ASCC3: variants seen among roughly 807,000 people sequenced by gnomAD.
ASCC3 encodes the protein activating signal cointegrator 1 complex subunit 3, also known as ASC-1 complex subunit P200.
A neutral mutation model predicts 256.3 loss-of-function variants in ASCC3; 158 were observed. That is an observed-to-expected ratio of 0.62 (90% confidence interval 0.54 to 0.70). The LOEUF is 0.70. Among genes scored for constraint, ASCC3 ranks in the 30% least tolerant of loss-of-function variants. The pLI is 0.00. For synonymous variants in ASCC3, 948 were observed against 883.4 expected (o/e 1.07, Z -1.30); for missense variants, 2,259 against 2,626.0 (o/e 0.86, Z 3.05).
At chr6:100,818,108 T>C (rs1770842420) in intron 4 of ASCC3, among the ~76,000 whole-genome samples, 1 of 152,196 alleles carries the variant, frequency 6.6e-6, no homozygotes, top group Non-Finnish European at 1.5e-5. Context: ...GAAAACCAAC[T>C]GATAGACTAC....
At chr6:100,694,855 A>G (rs1056487988) in intron 13 of ASCC3, among the ~76,000 whole-genome samples, 3 of 152,176 alleles carry the variant, frequency 2.0e-5, no homozygotes, top group Admixed American at 6.6e-5. Context: ...GAGTTAGAAA[A>G]TCATCAAAAG....
intron 34 of ASCC3, among the ~76,000 whole-genome samples, chr6:100,591,524 T>C (rs1020507614): frequency 6.6e-6 from 1 of 152,076 alleles, no homozygotes; most frequent in African/African-American, 2.4e-5. Flanking sequence ...TCAGGACTAA[T>C]ACATAGCTGA....
At chr6:100,525,417 A>G (rs184130200) in intron 37 of ASCC3, among the ~76,000 whole-genome samples, 2 of 152,106 alleles carry the variant, frequency 1.3e-5, no homozygotes, top group Admixed American at 1.3e-4. Context: ...CAAAAACAGG[A>G]AAGTTTGAGA....
chr6:100,673,435 T>G (rs1227655768), intron 14 of ASCC3, among the ~76,000 whole-genome samples: 1 of 152,094 alleles, frequency 6.6e-6, no homozygotes, highest in Non-Finnish European at 1.5e-5. Context: ...ATTAACATAT[T>G]TTTGTCAAAA....
intron 24 of ASCC3, among the ~76,000 whole-genome samples, chr6:100,640,673 C>T (rs1775079110): frequency 6.6e-6 from 1 of 152,112 alleles, no homozygotes; most frequent in Non-Finnish European, 1.5e-5. Flanking sequence ...TGAAAGAAGA[C>T]TGGAAAGATT....
At chr6:100,803,196 C>A (rs1770007041) in intron 5 of ASCC3, among the ~76,000 whole-genome samples, 1 of 151,992 alleles carries the variant, frequency 6.6e-6, no homozygotes, top group Admixed American at 6.6e-5. Context: ...TGATTATATA[C>A]TATTCAACAG....
chr6:100,575,073 CTAAGAAGA>C (rs1770787749), intron 36 of ASCC3, among the ~76,000 whole-genome samples: 1 of 151,968 alleles, frequency 6.6e-6, no homozygotes, highest in African/African-American at 2.4e-5. Context: ...GGTTTCCCCA[CTAAGAAGA>C]TAAAGAGTAG....
intron 18 of ASCC3, 37 bp downstream of exon 18, chr6:100,652,688 G>C: frequency 6.3e-7 from 1 of 1,577,388 alleles, no homozygotes; most frequent in African/African-American, 1.3e-5. Flanking sequence ...GAAAGTATTT[G>C]CATCTAAAAT....
At chr6:100,787,359 C>T (rs542473128) in intron 8 of ASCC3, among the ~76,000 whole-genome samples, 107 of 151,580 alleles carry the variant, frequency 7.1e-4, no homozygotes, top group Admixed American at 1.8e-3. Flanking sequence ...AAAACATATC[C>T]TAAAAATTAC....
intron 25 of ASCC3, among the ~76,000 whole-genome samples, chr6:100,633,269 A>G (rs1774648683): frequency 6.6e-6 from 1 of 152,136 alleles, no homozygotes; most frequent in Non-Finnish European, 1.5e-5. Flanking sequence ...TGTCCAGAGT[A>G]TTCAGGCTGT....
chr6:100,662,828 C>G (rs192455611), intron 14 of ASCC3, among the ~76,000 whole-genome samples: 7 of 152,120 alleles, frequency 4.6e-5, no homozygotes, highest in African/African-American at 1.7e-4. Context: ...TTACCTGTTT[C>G]TTAGCCTTCA....
chr6:100,791,727 C>G lies in ASCC3; in HGVS notation c.1395+6986G>C, dbSNP rs549209847. On this transcript the variant is annotated intron_variant, in intron 8 of 41. Transcript: ENST00000369162. ...TTTTGTTTTTTCTAATGAAAATGCA[C>G]TTTTTTATTCAGAAAATCTGGCCTC... Among the ~76,000 whole-genome samples the G allele has an allele frequency of 5.9e-5, 9 of 152,080 alleles. No homozygotes were observed. The South Asian group carries it at 1.9e-3, about 32-fold the overall frequency.
chr6:100,709,065 C>T (rs1582734935), intron 13 of ASCC3, among the ~76,000 whole-genome samples: 1 of 150,622 alleles, frequency 6.6e-6, no homozygotes, highest in South Asian at 2.1e-4. Flanking sequence ...CCTTACATAG[C>T]ACTAGATTGA....
chr6:100,806,572 A>C (rs1770193797), intron 4 of ASCC3, among the ~76,000 whole-genome samples: 1 of 151,910 alleles, frequency 6.6e-6, no homozygotes, highest in Non-Finnish European at 1.5e-5. Context: ...TGATCTGGGA[A>C]GATACATGTA....
chr6:100,750,872 A>T (rs1361182287), intron 10 of ASCC3, among the ~76,000 whole-genome samples: 3 of 152,026 alleles, frequency 2.0e-5, no homozygotes, highest in African/African-American at 7.2e-5. Context: ...AGTGGATATC[A>T]AAGTCACTCC....
At chr6:100,677,349 A>T (rs1255926811) in intron 14 of ASCC3, among the ~76,000 whole-genome samples, 1 of 151,808 alleles carries the variant, frequency 6.6e-6, no homozygotes, top group Non-Finnish European at 1.5e-5. Context: ...AAAAAAAAAG[A>T]CCCCATGCCC....
chr6:100,537,348 A>C (rs1455147141), intron 37 of ASCC3, among the ~76,000 whole-genome samples: 1 of 152,154 alleles, frequency 6.6e-6, no homozygotes, highest in African/African-American at 2.4e-5. Flanking sequence ...TAACTCCATA[A>C]AATAACTGCT....
intron 10 of ASCC3, among the ~76,000 whole-genome samples, chr6:100,752,428 CAACT>C (rs1349563375): frequency 1.3e-5 from 2 of 152,036 alleles, no homozygotes; most frequent in Non-Finnish European, 2.9e-5. Flanking sequence ...ATTACATTTC[CAACT>C]TACTCTAGAA....
At chr6:100,546,197 A>G (rs1775710781) in intron 36 of ASCC3, among the ~76,000 whole-genome samples, 1 of 152,216 alleles carries the variant, frequency 6.6e-6, no homozygotes, top group Admixed American at 6.5e-5. Flanking sequence ...TAAAAATATG[A>G]AAACCTGGAT....
Sources: gnomAD v4.1 joint callset for allele counts (sites outside exome capture counted in the v4.1 genomes callset) on GRCh38, gnomAD v4.1.1 for gene constraint, MANE v1.5 for transcripts, NCBI Gene and HGNC (gene_info 2026-07-23, HGNC 2026-07-21) for gene names.